Variants in PTPN4 observed in about 807,000 individuals in gnomAD.
PTPN4 encodes protein tyrosine phosphatase non-receptor type 4, also known as tyrosine-protein phosphatase non-receptor type 4.
In PTPN4, 49 loss-of-function variants were observed where a neutral mutation model predicts 135.5. The ratio of observed to expected loss-of-function variants is 0.36; its 90% confidence interval spans 0.29 to 0.46. PTPN4 has a LOEUF of 0.46. PTPN4 is among the 20% of genes least tolerant of loss of function. The pLI, the probability that PTPN4 is intolerant of heterozygous loss-of-function variation, is 1.00. For missense variants in PTPN4, 860 were observed against 1,101.0 expected (o/e 0.78, Z 3.10); for synonymous variants, 333 against 369.9 (o/e 0.90, Z 1.14).
intron 1 of PTPN4, among the ~76,000 whole-genome samples, chr2:119,788,698 C>T (rs957189412): frequency 3.3e-5 from 5 of 152,128 alleles, no homozygotes; most frequent in African/African-American, 9.7e-5. Flanking sequence ...TGTTGACTGG[C>T]GTATTTGACT....
chr2:119,887,174 A>G (rs1316060972), intron 9 of PTPN4, among the ~76,000 whole-genome samples: 1 of 152,212 alleles, frequency 6.6e-6, no homozygotes, highest in Non-Finnish European at 1.5e-5. Flanking sequence ...AACTTTAAAT[A>G]TATGAATTAA....
intron 2 of PTPN4, among the ~76,000 whole-genome samples, chr2:119,833,601 G>A (rs938272956): frequency 6.6e-6 from 1 of 152,148 alleles, no homozygotes; most frequent in Non-Finnish European, 1.5e-5. Context: ...TGGTCATCAG[G>A]TAAGTGTTAA....
intron 1 of PTPN4, among the ~76,000 whole-genome samples, chr2:119,807,782 T>C (rs1691500607): frequency 6.6e-6 from 1 of 152,094 alleles, no homozygotes; most frequent in Non-Finnish European, 1.5e-5. Context: ...AAAAAGAGAA[T>C]TTTAGACCAA....
intron 9 of PTPN4, 85 bp from the exon 10 acceptor site, chr2:119,900,633 A>C: frequency 1.2e-6 from 1 of 828,688 alleles, no homozygotes; most frequent in Non-Finnish European, 1.8e-6. Context: ...GTTTAGTTTT[A>C]AAAATAGAAT....
intron 1 of PTPN4, among the ~76,000 whole-genome samples, chr2:119,799,504 A>T (rs904760419): frequency 1.3e-4 from 20 of 152,208 alleles, no homozygotes; most frequent in Non-Finnish European, 7.4e-5. Context: ...AGACATGGTA[A>T]TTTGGTTATT....
chr2:119,981,553 A>C lies in PTPN4; in HGVS notation c.*4483A>C, dbSNP rs1311344927. 1 of 152,156 alleles carries C rather than the reference A, an allele frequency of 6.6e-6. No homozygotes were observed. The highest frequency in any genetic ancestry group is 1.9e-4 in the East Asian group (1 of 5,202). The allele number at this position is 152,156 out of a possible 1,614,324, so 9.4% of individuals were successfully genotyped here. On this transcript the variant is annotated 3_prime_UTR_variant, in exon 27 of 27. Transcript: ENST00000263708. ...CATTTTATAAAACTCTTAGAGAATT[A>C]TGTAGATAAAATGGAAATTACATAA...
In PTPN4 at chr2:119,977,287, C is replaced by A; in HGVS notation, c.*217C>A. The A allele has an allele frequency of 1.4e-6, 1 of 719,442 alleles. No individual in the cohort carries two copies. The highest frequency in any genetic ancestry group is 4.0e-5 in the South Asian group (1 of 25,030). 44.6% of individuals were successfully genotyped at this position (719,442 alleles called of 1,614,324 possible). On this transcript the variant is annotated 3_prime_UTR_variant, in exon 27 of 27. Transcript: ENST00000263708. ...TTTGAAGACTGTTTCATGCTTTGCTCCGAACAAATAGTAAATAACTGAGTA... is the reference window on the plus strand; with the variant it reads ...TTTGAAGACTGTTTCATGCTTTGCTACGAACAAATAGTAAATAACTGAGTA...
Position 119,762,594 on chromosome 2 carries a change from G to GC in PTPN4, c.-18+2216dup, listed in dbSNP as rs1221400798. Among the ~76,000 whole-genome samples the GC allele has an allele frequency of 1.1e-4, 16 of 152,102 alleles. No homozygotes were observed. In the East Asian group the frequency reaches 2.7e-3, roughly 26 times the overall value. ...GAGGTTTGTTATTGAGAGTACTTCT[G>GC]CCCCCCGCTTGAGAGTTAATATGGC... On this transcript the variant is annotated intron_variant, in intron 1 of 26. Coordinates refer to ENST00000263708, the MANE Select transcript of PTPN4 (RefSeq NM_002830.4).
intron 3 of PTPN4, among the ~76,000 whole-genome samples, chr2:119,866,520 A>T (rs1343511724): frequency 6.6e-6 from 1 of 152,090 alleles, no homozygotes; most frequent in African/African-American, 2.4e-5. Context: ...CTACTTTGGA[A>T]CTCAAGAAAT....
At chr2:119,853,047 C>T (rs149273201) in intron 2 of PTPN4, among the ~76,000 whole-genome samples, 2 of 152,258 alleles carry the variant, frequency 1.3e-5, no homozygotes, top group Admixed American at 6.5e-5. Context: ...CAGGATATAG[C>T]CTGTCTTGTG....
chr2:119,841,588 T>C (rs1404266597), intron 2 of PTPN4, among the ~76,000 whole-genome samples: 2 of 152,206 alleles, frequency 1.3e-5, no homozygotes, highest in Non-Finnish European at 2.9e-5. Flanking sequence ...GTAGTACTAA[T>C]AGTATAGTTG....
At chr2:119,826,731 T>C (rs1677152122) in intron 2 of PTPN4, among the ~76,000 whole-genome samples, 1 of 152,168 alleles carries the variant, frequency 6.6e-6, no homozygotes, top group Admixed American at 6.5e-5. Flanking sequence ...GAGTAAATTT[T>C]TAAAATAATC....
chr2:119,813,251 TC>T (rs1662490702), intron 2 of PTPN4, among the ~76,000 whole-genome samples: 1 of 150,572 alleles, frequency 6.6e-6, no homozygotes, highest in Admixed American at 6.6e-5. Flanking sequence ...TTTCTTTCTT[TC>T]TTTTTTTTTT....
intron 2 of PTPN4, among the ~76,000 whole-genome samples, chr2:119,820,453 G>T (rs930080948): frequency 2.6e-5 from 4 of 152,192 alleles, no homozygotes; most frequent in Admixed American, 6.5e-5. Context: ...ACTCTCTGCT[G>T]CCTCACTGCT....
intron 1 of PTPN4, among the ~76,000 whole-genome samples, chr2:119,770,728 GCTAA>G (rs140497263): frequency 0.047 from 7,130 of 152,102 alleles, 180 homozygotes; most frequent in African/African-American, 0.07. Flanking sequence ...ATACTATTAA[GCTAA>G]CTAATTCTAA....
chr2:119,953,068 A>C (rs1679232185), intron 19 of PTPN4, among the ~76,000 whole-genome samples: 1 of 152,200 alleles, frequency 6.6e-6, no homozygotes, highest in African/African-American at 2.4e-5. Context: ...AGAGTCCTAG[A>C]GTCTTCAGCC....
chr2:119,931,666 C>G (rs1054221755), intron 13 of PTPN4, among the ~76,000 whole-genome samples: 18 of 151,824 alleles, frequency 1.2e-4, no homozygotes, highest in Admixed American at 1.2e-3. Context: ...TCTTGAATTC[C>G]TAAGTTCCAG....
chr2:119,917,476 G>A (rs1027619092), intron 11 of PTPN4, among the ~76,000 whole-genome samples: 39 of 152,194 alleles, frequency 2.6e-4, no homozygotes, highest in Admixed American at 3.9e-4. Context: ...GCTCACGCCT[G>A]TAATCCCAGC....
intron 8 of PTPN4, among the ~76,000 whole-genome samples, chr2:119,882,851 A>G (rs1305400924): frequency 6.6e-6 from 1 of 152,166 alleles, no homozygotes; most frequent in Non-Finnish European, 1.5e-5. Flanking sequence ...CTGTAAACAG[A>G]TATTTATTTG....
Sources: gnomAD v4.1 joint callset for allele counts (sites outside exome capture counted in the v4.1 genomes callset) on GRCh38, gnomAD v4.1.1 for gene constraint, MANE v1.5 for transcripts, NCBI Gene and HGNC (gene_info 2026-07-23, HGNC 2026-07-21) for gene names.